ZNF292: variants seen among roughly 807,000 people sequenced by gnomAD.
ZNF292 encodes the protein zinc finger protein 292, also known as 16 zinc-finger domain protein.
A neutral mutation model predicts 217.9 loss-of-function variants in ZNF292; 26 were observed. The observed-to-expected ratio is 0.12, with a 90% CI of 0.09 to 0.17. The LOEUF is 0.17. Among genes scored for constraint, ZNF292 ranks in the 10% least tolerant of loss-of-function variants. The probability of loss-of-function intolerance (pLI) is 1.00; values close to 1 mark genes in which losing one functional copy is unlikely to be tolerated. For synonymous variants in ZNF292, 1,257 were observed against 1,124.1 expected (o/e 1.12, Z -2.37); for missense variants, 2,904 against 3,175.2 (o/e 0.91, Z 2.05).
At chr6:87,238,990 G>A (rs1554203260) in intron 5 of ZNF292, among the ~76,000 whole-genome samples, 1 of 152,242 alleles carries the variant, frequency 6.6e-6, no homozygotes, top group Non-Finnish European at 1.5e-5. Flanking sequence ...GAGAGCACCA[G>A]GTTGGGGGTA....
intron 1 of ZNF292, among the ~76,000 whole-genome samples, chr6:87,169,045 T>TA (rs397721198): frequency 6.6e-6 from 1 of 151,662 alleles, no homozygotes; most frequent in Non-Finnish European, 1.5e-5. Context: ...GCTTTTTTTT[T>TA]AATTTTTATT....
intron 1 of ZNF292, among the ~76,000 whole-genome samples, chr6:87,157,408 T>C (rs1003260039): frequency 3.3e-5 from 5 of 152,240 alleles, no homozygotes; most frequent in Admixed American, 1.3e-4. Flanking sequence ...AAAAAATTTC[T>C]CTAAGATACC....
chr6:87,215,196 A>T (rs1470733348), intron 1 of ZNF292: 1 of 151,872 alleles, frequency 6.6e-6, no homozygotes, highest in Non-Finnish European at 1.5e-5. Context: ...ATTATCTCCC[A>T]TCTCTTATTC....
At chr6:87,247,827 A>G (rs753440494) in intron 7 of ZNF292, among the ~76,000 whole-genome samples, 13 of 152,246 alleles carry the variant, frequency 8.5e-5, no homozygotes, top group Non-Finnish European at 1.9e-4. Context: ...GAATTAAAGT[A>G]TGAGAAAGTA....
chr6:87,261,249 A>T lies in ZNF292; in HGVS notation c.7620A>T (p.Ser2540=), dbSNP rs550881297. The T allele has an allele frequency of 1.9e-6, 3 of 1,610,406 alleles. No homozygotes were observed. The Admixed American group carries it at 5.1e-5, about 27-fold the overall frequency. ...GAGTTAATAAGGAAAAAAATGTCTC[A>T]CAAAATAAAAAAAGGAAAGTTGAAA... ...LKRVNKEKNV[S]QNKKRKVEKA... is the part of the protein sequence containing the mutation. The change falls in exon 8 of 8, where the codon TCA becomes TCT. Residue 2540 remains serine, a synonymous_variant. Transcript: ENST00000369577.
intron 6 of ZNF292, among the ~76,000 whole-genome samples, chr6:87,243,899 C>T (rs1774436177): frequency 6.6e-6 from 1 of 152,078 alleles, no homozygotes; most frequent in Non-Finnish European, 1.5e-5. Flanking sequence ...TCTAATGCCA[C>T]CATAACATTT....
rs1036342537 is a variant in ZNF292, at chr6:87,263,894, T to G, written c.*2093T>G. 6.6e-5 allele frequency: 10 copies of G among 152,156 alleles called. No homozygotes were observed. The highest frequency in any genetic ancestry group is 2.4e-5 in the African/African-American group (1 of 41,438). 9.4% of individuals were successfully genotyped at this position (152,156 alleles called of 1,614,324 possible). ...GATCATTGTAACTATGAGCCACTGT[T>G]AAGTGAAAATGCCAATGTATTGGGG... On this transcript the variant is annotated 3_prime_UTR_variant, in exon 8 of 8. Coordinates refer to ENST00000369577, the MANE Select transcript of ZNF292 (RefSeq NM_015021.3).
At chr6:87,208,597 CTT>C (rs11286937) in intron 1 of ZNF292, among the ~76,000 whole-genome samples, 2 of 151,244 alleles carry the variant, frequency 1.3e-5, no homozygotes, top group African/African-American at 2.4e-5. Flanking sequence ...TTCAAAGTTG[CTT>C]TTTTTTTCCC....
chr6:87,247,237 A>C lies in ZNF292; in HGVS notation c.1020+1593A>C, dbSNP rs182174963. Among the ~76,000 whole-genome samples, 969 of 148,296 alleles carry C rather than the reference A, an allele frequency of 6.5e-3. 22 individuals carry two copies. Among genetic ancestry groups the C allele is most frequent in the Admixed American group, 0.047 (706 of 15,034 alleles). ...TACTTGGGTAGGTAGATCTGAAACA[A>C]CCACCCCCTCACCACCGCCCCCTGC... On this transcript the variant is annotated intron_variant, in intron 7 of 7. Coordinates refer to ENST00000369577, the MANE Select transcript of ZNF292 (RefSeq NM_015021.3).
chr6:87,221,788 TTCTCTTAAATGTGTAAA>T (rs2127809164), intron 4 of ZNF292, among the ~76,000 whole-genome samples: 1 of 152,294 alleles, frequency 6.6e-6, no homozygotes, highest in East Asian at 1.9e-4. Context: ...GTTTTTGTAG[TTCTCTTAAATGTGTAAA>T]TCTCAGCACT....
At chr6:87,241,936 T>C (rs1774308979) in intron 5 of ZNF292, among the ~76,000 whole-genome samples, 1 of 152,166 alleles carries the variant, frequency 6.6e-6, no homozygotes, top group African/African-American at 2.4e-5. Flanking sequence ...ATACTTTAAG[T>C]CAAAAATGCA....
Position 87,259,245 on chromosome 6 carries a change from G to T in ZNF292, c.5616G>T (p.Thr1872=). The part of the protein sequence containing the change: ...LINTSVTLTP[T]PVKSTADITV... ...ATACATCAGTGACACTGACTCCCAC[G>T]CCTGTTAAATCAACTGCAGATATCA... The change falls in exon 8 of 8, where the codon ACG becomes ACT. Residue 1872 remains threonine, a synonymous_variant. Coordinates refer to ENST00000369577, the MANE Select transcript of ZNF292 (RefSeq NM_015021.3). 1 of 1,613,594 alleles carries T rather than the reference G, an allele frequency of 6.2e-7. No individual in the cohort carries two copies. The highest frequency in any genetic ancestry group is 1.3e-5 in the African/African-American group (1 of 74,966).
intron 1 of ZNF292, among the ~76,000 whole-genome samples, chr6:87,185,436 T>G (rs1337570798): frequency 1.3e-5 from 2 of 152,326 alleles, no homozygotes; most frequent in East Asian, 3.9e-4. Context: ...TACAGTAATT[T>G]AATTCTGTTG....
intron 1 of ZNF292, among the ~76,000 whole-genome samples, chr6:87,210,671 A>T (rs1772444899): frequency 6.6e-6 from 1 of 152,094 alleles, no homozygotes; most frequent in Non-Finnish European, 1.5e-5. Context: ...TCCCAACTAC[A>T]CGGGAGGCTG....
At chr6:87,205,279 G>A (rs765163852) in intron 1 of ZNF292, among the ~76,000 whole-genome samples, 1 of 151,992 alleles carries the variant, frequency 6.6e-6, no homozygotes, top group Non-Finnish European at 1.5e-5. Flanking sequence ...TTGCTATGTT[G>A]CTCTGGCTGG....
rs957252354 is a variant in ZNF292 at position 87,265,172 on chromosome 6, T to C, written c.*3371T>C. Among the ~76,000 whole-genome samples, 6 of 151,878 alleles carry C rather than the reference T, an allele frequency of 4.0e-5. No homozygotes were observed. Among genetic ancestry groups the C allele is most frequent in the African/African-American group, 1.5e-4 (6 of 41,346 alleles). On this transcript the variant is annotated 3_prime_UTR_variant, in exon 8 of 8. Coordinates refer to ENST00000369577, the MANE Select transcript of ZNF292 (RefSeq NM_015021.3). ...CTGTTGCCCAGGCTGGAGTGCAGTG[T>C]TGCACGATCTCGGCTTACTGCAACT...
Position 87,225,904 on chromosome 6 carries a change from T to C in ZNF292, c.538+7173T>C, listed in dbSNP as rs575133009. Among the ~76,000 whole-genome samples, 32 of 152,346 alleles carry C rather than the reference T, an allele frequency of 2.1e-4. No homozygotes were observed. In the East Asian group the frequency reaches 6.0e-3, roughly 28 times the overall value. On this transcript the variant is annotated intron_variant, in intron 4 of 7. Transcript: ENST00000369577. ...AAGAAGGTCTCACCATGCTCAGTTT[T>C]ATTGTTCTCAGCATTTTTGGTGAGT... is the stretch of plus-strand genomic sequence containing the variant.
At chr6:87,194,864 G>A (rs1198048515) in intron 1 of ZNF292, among the ~76,000 whole-genome samples, 1 of 151,980 alleles carries the variant, frequency 6.6e-6, no homozygotes, top group Admixed American at 6.5e-5. Context: ...AGATGGTATT[G>A]CAGGAATTCA....
Position 87,257,252 on chromosome 6 carries a change from A to G in ZNF292, c.3623A>G (p.Glu1208Gly). ...TCAACTCCATTGTTGTCCTCAATGG[A>G]AAGTGTCATAAATCCAAATATAACT... ...SVSTPLLSSM[E>G]SVINPNITSQ... Residue 1208 changes from glutamate to glycine, a missense_variant, in exon 8 of 8, where the codon GAA becomes GGA. Glu to Gly is a moderately conservative substitution (Grantham distance 98). Around this residue, in one of 15 missense-constraint regions of ZNF292, gnomAD observed 687 missense variants for 623.0 expected, o/e 1.10. Coordinates refer to ENST00000369577, the MANE Select transcript of ZNF292 (RefSeq NM_015021.3). The G allele has an allele frequency of 6.2e-7, 1 of 1,613,808 alleles. No homozygotes were observed. Among genetic ancestry groups the G allele is most frequent in the Non-Finnish European group, 8.5e-7 (1 of 1,179,824 alleles).
Sources: gnomAD v4.1 joint callset for allele counts (sites outside exome capture counted in the v4.1 genomes callset) on GRCh38, gnomAD v4.1.1 for gene constraint, gnomAD v4.1.1 regional missense constraint, MANE v1.5 for transcripts, NCBI Gene and HGNC (gene_info 2026-07-23, HGNC 2026-07-21) for gene names.